PANX1: variants seen among roughly 807,000 people sequenced by gnomAD.
PANX1 encodes the protein pannexin 1.
PANX1 carries 30 observed loss-of-function variants against 38.7 expected under a neutral mutation model. The ratio of observed to expected loss-of-function variants is 0.78; its 90% CI spans 0.58 to 1.05. The LOEUF (loss-of-function observed/expected upper bound fraction) is 1.05, where lower values mean the gene tolerates loss of function less well. Among genes scored for constraint, PANX1 ranks in the 50% least tolerant of loss-of-function variants. The probability of loss-of-function intolerance (pLI) is 0.00; values close to 1 mark genes in which losing one functional copy is unlikely to be tolerated. For synonymous variants in PANX1, 230 were observed against 212.2 expected (o/e 1.08, Z -0.73); for missense variants, 551 against 517.2 (o/e 1.07, Z -0.63).
intron 1 of PANX1, among the ~76,000 whole-genome samples, chr11:94,143,336 G>C (rs192367221): frequency 1.3e-5 from 2 of 152,168 alleles, no homozygotes; most frequent in African/African-American, 4.8e-5. Context: ...TATTGTAGAG[G>C]ATAAGACAGA....
Position 94,179,748 on chromosome 11 carries a change from T to C in PANX1, c.692T>C (p.Leu231Pro). The change falls in exon 4 of 5, where the codon CTG becomes CCG. Residue 231 changes from leucine (L) to proline (P), a missense_variant. Physicochemically the swap from Leu to Pro is moderately conservative, Grantham distance 98 (BLOSUM62 -3). Transcript: ENST00000227638. ...ATTATACTGTTAGCGTGTATCTACC[T>C]GGGCTATTACTTCAGCCTCTCCTCA... The part of the protein sequence containing the change: ...LIIILLACIY[L>P]GYYFSLSSLS... 6.2e-7 allele frequency: 1 copy of C among 1,614,128 alleles called. No individual in the cohort carries two copies. The highest frequency in any genetic ancestry group is 2.2e-5 in the East Asian group (1 of 44,876).
intron 2 of PANX1, among the ~76,000 whole-genome samples, chr11:94,169,919 T>A (rs1360873095): frequency 1.3e-5 from 2 of 151,710 alleles, no homozygotes; most frequent in Admixed American, 1.3e-4. Context: ...GAAATGAAGA[T>A]TCAGCCTAAT....
intron 2 of PANX1, among the ~76,000 whole-genome samples, chr11:94,171,478 A>G (rs1479656197): frequency 3.3e-5 from 5 of 151,668 alleles, no homozygotes; most frequent in Middle Eastern, 3.2e-3. Context: ...TGCGTAGTCC[A>G]TAGTGGGTGC....
intron 1 of PANX1, among the ~76,000 whole-genome samples, chr11:94,148,085 C>T (rs1025695766): frequency 6.6e-6 from 1 of 152,130 alleles, no homozygotes; most frequent in Non-Finnish European, 1.5e-5. Flanking sequence ...TATTTCAATT[C>T]CATTTTTTAG....
chr11:94,173,701 G>A (rs1037809737), intron 2 of PANX1, among the ~76,000 whole-genome samples: 2 of 151,446 alleles, frequency 1.3e-5, no homozygotes, highest in Non-Finnish European at 2.9e-5. Context: ...CCTCCTGCCT[G>A]GTCTCTCTCC....
chr11:94,133,234 T>G (rs1448912193), intron 1 of PANX1, among the ~76,000 whole-genome samples: 1 of 152,118 alleles, frequency 6.6e-6, no homozygotes, highest in Non-Finnish European at 1.5e-5. Context: ...TAGGCACTGG[T>G]GTGGGGCTAC....
At chr11:94,175,922 G>T (rs982885160) in intron 2 of PANX1, 6 of 984,046 alleles carry the variant, frequency 6.1e-6, no homozygotes, top group East Asian at 2.3e-4. Flanking sequence ...GGGGTCATTT[G>T]TGCTTATTTC....
intron 2 of PANX1, among the ~76,000 whole-genome samples, chr11:94,168,222 A>G (rs1021084282): frequency 1.3e-5 from 2 of 152,080 alleles, no homozygotes; most frequent in African/African-American, 4.8e-5. Context: ...ACTGTCTGGG[A>G]GGGTGGGAAG....
intron 2 of PANX1, chr11:94,175,996 C>A: frequency 1.8e-6 from 1 of 562,546 alleles, no homozygotes; most frequent in Non-Finnish European, 2.2e-6. Flanking sequence ...GGCCTGCAAA[C>A]TAGGATAGGA....
Position 94,178,455 on chromosome 11 carries a change from C to T in PANX1, c.408C>T (p.Cys136=). 1 of 1,614,074 alleles carries T rather than the reference C, an allele frequency of 6.2e-7. No homozygotes were observed. Among genetic ancestry groups the T allele is most frequent in the Non-Finnish European group, 8.5e-7 (1 of 1,179,962 alleles). The part of the protein sequence containing the change: ...FWRFAAAPHI[C]SDLKFIMEEL... ...GTTTCGCAGCTGCTCCTCATATTTG[C>T]TCAGACTTGAAGTTTATCATGGAAG... The change falls in exon 3 of 5, where the codon TGC becomes TGT. Residue 136 remains cysteine (C), a synonymous_variant. Coordinates refer to ENST00000227638, the MANE Select transcript of PANX1 (RefSeq NM_015368.4).
intron 1 of PANX1, among the ~76,000 whole-genome samples, chr11:94,140,141 A>G (rs1239904002): frequency 6.6e-6 from 1 of 152,260 alleles, no homozygotes; most frequent in Non-Finnish European, 1.5e-5. Flanking sequence ...AAGGATAAAT[A>G]GGCTATACAT....
intron 2 of PANX1, among the ~76,000 whole-genome samples, chr11:94,168,975 A>G (rs939096242): frequency 6.6e-6 from 1 of 151,736 alleles, no homozygotes; most frequent in Non-Finnish European, 1.5e-5. Flanking sequence ...TGACACTTGA[A>G]GAAGCCTGGT....
intron 1 of PANX1, among the ~76,000 whole-genome samples, chr11:94,142,334 G>T (rs1946772454): frequency 6.6e-6 from 1 of 152,098 alleles, no homozygotes; most frequent in African/African-American, 2.4e-5. Flanking sequence ...GTACCACTGG[G>T]GACTTGAAAA....
chr11:94,129,603 G>T (rs1591499901), intron 1 of PANX1, 110 bp downstream of exon 1: 5 of 1,010,502 alleles, frequency 4.9e-6, no homozygotes, highest in South Asian at 1.7e-5. Context: ...TGATGGTCGT[G>T]AGCGTCAGGA....
At chr11:94,149,901 G>A (rs549685490) in intron 1 of PANX1, among the ~76,000 whole-genome samples, 1 of 152,336 alleles carries the variant, frequency 6.6e-6, no homozygotes, top group Non-Finnish European at 1.5e-5. Context: ...ACACAATCGT[G>A]CATGAAGTTC....
At position 94,180,877 on chromosome 11, in the gene PANX1, T is replaced by C; in HGVS notation, c.*8T>C. ...CTGGATTCTTCTTGCTGATGATTTT[T>C]TTCCTTGAGCTGTAAATCTGTGACT... On this transcript the variant is annotated 3_prime_UTR_variant, in exon 5 of 5. Coordinates refer to ENST00000227638, the MANE Select transcript of PANX1 (RefSeq NM_015368.4). The C allele has an allele frequency of 6.5e-7, 1 of 1,539,176 alleles. No homozygotes were observed. Among genetic ancestry groups the C allele is most frequent in the African/African-American group, 1.4e-5 (1 of 73,626 alleles).
chr11:94,171,435 C>T (rs1260889246), intron 2 of PANX1, among the ~76,000 whole-genome samples: 1 of 151,550 alleles, frequency 6.6e-6, no homozygotes, highest in Admixed American at 6.6e-5. Context: ...AGACCATGAC[C>T]ATGTCTTGTT....
Position 94,153,623 on chromosome 11 carries a change from T to C in PANX1, c.314T>C (p.Leu105Pro). 1.2e-6 allele frequency: 2 copies of C among 1,613,634 alleles called. No individual in the cohort carries two copies. Among genetic ancestry groups the C allele is most frequent in the Non-Finnish European group, 1.7e-6 (2 of 1,179,844 alleles). The part of the protein sequence containing the change: ...QSESGNLPLW[L>P]HKFFPYILLL... ...GAGTCTGGAAACCTCCCACTGTGGC[T>C]GCATAAGGTAAAGGGAGACATTTCC... The change falls in exon 2 of 5, where the codon CTG becomes CCG. Residue 105 changes from leucine (L) to proline (P), a missense_variant. By Grantham distance (98) the Leu-to-Pro change is moderately conservative. Coordinates refer to ENST00000227638, the MANE Select transcript of PANX1 (RefSeq NM_015368.4).
chr11:94,173,722 TTTC>T (rs1947195847), intron 2 of PANX1, among the ~76,000 whole-genome samples: 1 of 151,702 alleles, frequency 6.6e-6, no homozygotes, highest in Non-Finnish European at 1.5e-5. Flanking sequence ...TTCCCATGTG[TTTC>T]TTCTTTGCCT....
Sources: gnomAD v4.1 joint callset for allele counts (sites outside exome capture counted in the v4.1 genomes callset) on GRCh38, gnomAD v4.1.1 for gene constraint, MANE v1.5 for transcripts, NCBI Gene and HGNC (gene_info 2026-07-23, HGNC 2026-07-21) for gene names.